Variants in EXOC4 observed in about 807,000 individuals in gnomAD.
EXOC4 encodes SEC8-like 1.
A neutral mutation model predicts 107.2 loss-of-function variants in EXOC4; 71 were observed. That is an observed-to-expected ratio of 0.66 (90% CI 0.55 to 0.81). EXOC4 has a LOEUF of 0.81. Among genes scored for constraint, EXOC4 ranks in the 30% least tolerant of loss-of-function variants. EXOC4 has a pLI of 0.00. For synonymous variants in EXOC4, 456 were observed against 441.2 expected (o/e 1.03, Z -0.42); for missense variants, 1,108 against 1,189.6 (o/e 0.93, Z 1.01).
At chr7:133,262,068 C>T (rs765780026) in intron 1 of EXOC4, among the ~76,000 whole-genome samples, 6 of 152,034 alleles carry the variant, frequency 3.9e-5, no homozygotes, top group Admixed American at 6.6e-5. Context: ...TTTGTTTGTT[C>T]GTTACTTTGT....
At chr7:133,289,742 G>C (rs1217736789) in intron 3 of EXOC4, among the ~76,000 whole-genome samples, 1 of 152,172 alleles carries the variant, frequency 6.6e-6, no homozygotes, top group East Asian at 1.9e-4. Context: ...TACAGAGTTT[G>C]CTCCCTAATA....
intron 9 of EXOC4, among the ~76,000 whole-genome samples, chr7:133,540,307 C>T (rs955698510): frequency 1.2e-4 from 19 of 152,210 alleles, no homozygotes; most frequent in African/African-American, 4.6e-4. Context: ...CTTCAAACTC[C>T]AGCCCTGGAA....
At chr7:133,960,483 T>C (rs1800917292) in intron 14 of EXOC4, among the ~76,000 whole-genome samples, 1 of 152,120 alleles carries the variant, frequency 6.6e-6, no homozygotes. Context: ...GTCTTGGACT[T>C]TTTTTTGTTG....
chr7:133,578,400 A>AT (rs1457706700), intron 9 of EXOC4, among the ~76,000 whole-genome samples: 3 of 152,114 alleles, frequency 2.0e-5, no homozygotes, highest in Non-Finnish European at 4.4e-5. Flanking sequence ...CACATATGTG[A>AT]TTTTGGGATC....
At chr7:134,088,596 A>G in the EXOC4 span, among the ~76,000 whole-genome samples, 4 of 152,188 alleles carry the variant, frequency 2.6e-5, no homozygotes, top group African/African-American at 4.8e-5. Context: ...TCAGTTCTCC[A>G]TGAGAGTTCT....
chr7:133,477,876 C>T (rs181984788), intron 8 of EXOC4, among the ~76,000 whole-genome samples: 121 of 152,290 alleles, frequency 7.9e-4, no homozygotes, highest in Non-Finnish European at 1.4e-3. Flanking sequence ...CATTCCTAAA[C>T]TAGTCACTGG....
chr7:133,707,679 A>G (rs1794798322), intron 10 of EXOC4, among the ~76,000 whole-genome samples: 1 of 151,922 alleles, frequency 6.6e-6, no homozygotes, highest in Non-Finnish European at 1.5e-5. Flanking sequence ...GCAGTGATAC[A>G]ATCTCAGCTC....
chr7:133,576,504 C>T (rs764648870), intron 9 of EXOC4: 81 of 1,286,468 alleles, frequency 6.3e-5, no homozygotes, highest in Non-Finnish European at 7.6e-5. Context: ...TTATTTAAAA[C>T]GTTTTCTTAC....
intron 14 of EXOC4, among the ~76,000 whole-genome samples, chr7:133,938,399 A>C (rs1382399558): frequency 6.6e-6 from 1 of 152,180 alleles, no homozygotes; most frequent in African/African-American, 2.4e-5. Context: ...TTTCCTCCTT[A>C]CAACAACTTC....
intron 11 of EXOC4, among the ~76,000 whole-genome samples, chr7:133,887,799 A>G (rs1799118921): frequency 6.6e-6 from 1 of 152,094 alleles, no homozygotes; most frequent in Non-Finnish European, 1.5e-5. Context: ...TCCTTTATTA[A>G]TTGCTGCCCA....
chr7:133,605,593 AGT>A (rs1401187385), intron 9 of EXOC4, among the ~76,000 whole-genome samples: 3 of 152,136 alleles, frequency 2.0e-5, no homozygotes, highest in African/African-American at 7.2e-5. Context: ...TTTTTCCTGA[AGT>A]AAGGATGACC....
At chr7:133,578,435 A>G (rs1801180029) in intron 9 of EXOC4, among the ~76,000 whole-genome samples, 1 of 152,198 alleles carries the variant, frequency 6.6e-6, no homozygotes, top group Non-Finnish European at 1.5e-5. Context: ...TATATCTCAT[A>G]TGAGTGATCG....
At chr7:133,594,052 A>G (rs1466958260) in intron 9 of EXOC4, among the ~76,000 whole-genome samples, 1 of 152,206 alleles carries the variant, frequency 6.6e-6, no homozygotes, top group African/African-American at 2.4e-5. Context: ...TCAAACTGAG[A>G]TAGTCATATT....
intron 13 of EXOC4, among the ~76,000 whole-genome samples, chr7:133,928,042 T>C (rs778738951): frequency 4.3e-4 from 65 of 152,242 alleles, no homozygotes; most frequent in Non-Finnish European, 7.8e-4. Flanking sequence ...TTGAGAATTA[T>C]AATTATCTGT....
In EXOC4 at chr7:133,349,283, T is replaced by A. The variant is rs371565295; in HGVS notation, c.764-7047T>A. On this transcript the variant is annotated intron_variant, in intron 5 of 17. Coordinates refer to ENST00000253861, the MANE Select transcript of EXOC4 (RefSeq NM_021807.4). ...ATTACTCTTTTCATTCTTGTAAAAC[T>A]GAAACTCTGTACTCATTAAAGACCA... Among the ~76,000 whole-genome samples, 23 of 152,238 alleles carry A rather than the reference T, an allele frequency of 1.5e-4. No individual in the cohort carries two copies. The South Asian group carries it at 4.4e-3, about 29-fold the overall frequency.
At chr7:133,281,709 T>C (rs1018330309) in intron 2 of EXOC4, among the ~76,000 whole-genome samples, 27 of 151,474 alleles carry the variant, frequency 1.8e-4, no homozygotes, top group African/African-American at 6.1e-4. Context: ...TTTCTATTTT[T>C]TTTTTTTTTT....
At chr7:133,331,216 A>G (rs985990334) in intron 5 of EXOC4, among the ~76,000 whole-genome samples, 3 of 152,076 alleles carry the variant, frequency 2.0e-5, no homozygotes, top group Non-Finnish European at 4.4e-5. Flanking sequence ...AAGAAATGAC[A>G]TAATAAAGAA....
intron 14 of EXOC4, 61 bp downstream of exon 14, chr7:133,938,130 T>C (rs1479817884): frequency 9.0e-6 from 14 of 1,548,616 alleles, no homozygotes; most frequent in African/African-American, 6.8e-5. Context: ...AATGCATTCA[T>C]TGAAAGATGA....
At chr7:133,955,927 C>T (rs1800808247) in intron 14 of EXOC4, among the ~76,000 whole-genome samples, 1 of 152,238 alleles carries the variant, frequency 6.6e-6, no homozygotes, top group African/African-American at 2.4e-5. Context: ...GTAGGCACTT[C>T]TGAGCCTTCA....
Sources: gnomAD v4.1 joint callset for allele counts (sites outside exome capture counted in the v4.1 genomes callset) on GRCh38, gnomAD v4.1.1 for gene constraint, MANE v1.5 for transcripts, NCBI Gene and HGNC (gene_info 2026-07-23, HGNC 2026-07-21) for gene names.